ESYT3: variants seen among roughly 807,000 people sequenced by gnomAD.
ESYT3 encodes extended synaptotagmin-3.
A neutral mutation model predicts 111.5 loss-of-function variants in ESYT3; 101 were observed. The ratio of observed to expected loss-of-function variants is 0.91; its 90% confidence interval spans 0.77 to 1.07. The LOEUF is 1.07. Ranked by LOEUF, ESYT3 falls within the 50% of genes least tolerant of loss-of-function variation. The pLI is 0.00. For synonymous variants in ESYT3, 416 were observed against 446.8 expected, an observed-to-expected ratio of 0.93 and a Z score of 0.87; for missense variants, 1,097 against 1,109.4, an observed-to-expected ratio of 0.99 and a Z score of 0.16.
intron 2 of ESYT3, 68 bp from the exon 3 acceptor site, chr3:138,455,126 C>G: frequency 6.3e-7 from 1 of 1,581,582 alleles, no homozygotes; most frequent in Non-Finnish European, 8.6e-7. Context: ...GGACCTTGTC[C>G]CATGCAGCTG....
intron 17 of ESYT3, 108 bp from the exon 18 acceptor site, chr3:138,472,254 GA>G: frequency 7.1e-7 from 1 of 1,413,096 alleles, no homozygotes; most frequent in South Asian, 1.4e-5. Context: ...AGTTCCCTAG[GA>G]AGGGTCTTTA....
downstream of ESYT3, chr3:138,480,281 AAAAAGATT>A (rs1174201442): frequency 1.3e-5 from 2 of 152,350 alleles, no homozygotes; most frequent in East Asian, 3.9e-4. Context: ...TGTTGAAAGT[AAAAAGATT>A]AAAAGATCCA....
chr3:138,467,687 GC>G (rs2033000876), intron 11 of ESYT3, 78 bp downstream of exon 11: 1 of 1,367,982 alleles, frequency 7.3e-7, no homozygotes, highest in African/African-American at 1.4e-5. Context: ...GCTTGCTTCA[GC>G]CCAGCTATTC....
chr3:138,466,488 G>A (rs762779316), intron 10 of ESYT3, among the ~76,000 whole-genome samples: 1 of 152,114 alleles, frequency 6.6e-6, no homozygotes, highest in African/African-American at 2.4e-5. Context: ...TGCAATTTTT[G>A]TAATGTTGCA....
At chr3:138,463,889 TG>T (rs2032782387) in intron 8 of ESYT3, among the ~76,000 whole-genome samples, 2 of 152,156 alleles carry the variant, frequency 1.3e-5, no homozygotes, top group South Asian at 4.1e-4. Flanking sequence ...GGCTCAGTGT[TG>T]GGGCCTTTAG....
intron 14 of ESYT3, 55 bp from the exon 15 acceptor site, chr3:138,469,381 C>A: frequency 6.6e-7 from 1 of 1,511,820 alleles, no homozygotes; most frequent in Non-Finnish European, 9.2e-7. Context: ...GTAGGACTGT[C>A]TCAAGCTGAT....
chr3:138,437,188 G>A (rs2030773013), intron 1 of ESYT3, among the ~76,000 whole-genome samples: 1 of 152,218 alleles, frequency 6.6e-6, no homozygotes, highest in South Asian at 2.1e-4. Context: ...GTGGGGGACA[G>A]ATGCATAACA....
chr3:138,441,410 C>T (rs1485740713), intron 1 of ESYT3, among the ~76,000 whole-genome samples: 1 of 152,158 alleles, frequency 6.6e-6, no homozygotes, highest in Non-Finnish European at 1.5e-5. Context: ...GCCCCCTCTC[C>T]AGTGGGCAGG....
At chr3:138,464,183 C>T (rs576235001) in intron 8 of ESYT3, among the ~76,000 whole-genome samples, 162 bp from the exon 9 acceptor site, 6 of 152,280 alleles carry the variant, frequency 3.9e-5, no homozygotes, top group Admixed American at 3.3e-4. Context: ...TGCTGTGTGG[C>T]CTTGGCCAGG....
At chr3:138,473,145 G>A in intron 18 of ESYT3, 1 of 1,335,796 alleles carries the variant, frequency 7.5e-7, no homozygotes, top group Non-Finnish European at 9.6e-7. Flanking sequence ...GACATGGAAA[G>A]CTTAATATGT....
chr3:138,475,478 C>T (rs1269250062), intron 20 of ESYT3, among the ~76,000 whole-genome samples: 6 of 152,182 alleles, frequency 3.9e-5, no homozygotes, highest in Admixed American at 2.0e-4. Context: ...TTTCCTCTGC[C>T]TTACTCCATA....
intron 1 of ESYT3, among the ~76,000 whole-genome samples, chr3:138,446,383 T>G (rs760412377): frequency 3.9e-5 from 6 of 152,172 alleles, no homozygotes; most frequent in Non-Finnish European, 8.8e-5. Context: ...TCTCTGAACT[T>G]TAGTTTCCTT....
chr3:138,465,188 A>C, intron 9 of ESYT3, 151 bp from the exon 10 acceptor site: 1 of 593,824 alleles, frequency 1.7e-6, no homozygotes, highest in East Asian at 2.9e-5. Context: ...CCCGAAGGGG[A>C]GGGGCTTCAC....
Position 138,472,698 on chromosome 3 carries a change from C to T in ESYT3, c.2076C>T (p.Val692=), listed in dbSNP as rs2108629438. ...GTCCAGCCACCATCTTCCTGACTGTCCCAGGTCCCCACTCTCCAGGGCCCA... is the reference window on the plus strand; with the variant it reads ...GTCCAGCCACCATCTTCCTGACTGTTCCAGGTCCCCACTCTCCAGGGCCCA... The part of the protein sequence containing the change: ...KKSPATIFLT[V]PGPHSPGPIK... The change falls in exon 18 of 23, where the codon GTC becomes GTT. Residue 692 remains valine, a synonymous_variant. Transcript: ENST00000389567. The T allele has an allele frequency of 6.2e-7, 1 of 1,614,198 alleles. No individual in the cohort carries two copies. The highest frequency in any genetic ancestry group is 8.5e-7 in the Non-Finnish European group (1 of 1,180,042).
rs1193554298 is a variant in ESYT3 at position 138,470,318 on chromosome 3, G to T, written c.1590+172G>T. 6 of 1,345,218 alleles carry T rather than the reference G, an allele frequency of 4.5e-6. No individual in the cohort carries two copies. The African/African-American group carries it at 8.9e-5, about 20-fold the overall frequency. 83.3% of individuals were successfully genotyped at this position (1,345,218 alleles called of 1,614,324 possible). The stretch of plus-strand genomic sequence containing the variant: ...AAGGCCTCATCTCCTTAAGGCTAGT[G>T]CCTGAGGTCACTGTATAGGGGGATG... On this transcript the variant is annotated intron_variant, in intron 16 of 22. Coordinates refer to ENST00000389567, the MANE Select transcript of ESYT3 (RefSeq NM_031913.5).
intron 2 of ESYT3, among the ~76,000 whole-genome samples, chr3:138,452,450 G>A (rs1196521734): frequency 6.6e-6 from 1 of 152,172 alleles, no homozygotes; most frequent in African/African-American, 2.4e-5. Context: ...GCATTTCTGT[G>A]CAGTCTTGGG....
At position 138,472,789 on chromosome 3, in the gene ESYT3, C is replaced by A; in HGVS notation, c.2167C>A (p.Pro723Thr). The change falls in exon 18 of 23, where the codon CCC becomes ACC. Residue 723 changes from proline (P) to threonine (T), a missense_variant. Pro to Thr is a conservative substitution (Grantham distance 38). Transcript: ENST00000389567. Reference sequence around the variant, plus strand: ...CGCATGGCCGCCCAAGAGGCTGGCTCCCAGCATGTCCTCGCTCAACTCCTT... The same window carrying A: ...CGCATGGCCGCCCAAGAGGCTGGCTACCAGCATGTCCTCGCTCAACTCCTT... ...PFAWPPKRLA[P>T]SMSSLNSLAS... The A allele has an allele frequency of 6.2e-7, 1 of 1,614,220 alleles. No homozygotes were observed. Among genetic ancestry groups the A allele is most frequent in the Non-Finnish European group, 8.5e-7 (1 of 1,180,046 alleles).
chr3:138,469,560 C>T (rs2033112490), intron 15 of ESYT3, 56 bp downstream of exon 15: 1 of 1,495,012 alleles, frequency 6.7e-7, no homozygotes, highest in African/African-American at 1.4e-5. Flanking sequence ...CAGCCCTTCT[C>T]AGGGAGAGAG....
intron 1 of ESYT3, among the ~76,000 whole-genome samples, chr3:138,436,773 T>G (rs1175510837): frequency 6.6e-6 from 1 of 152,158 alleles, no homozygotes; most frequent in Non-Finnish European, 1.5e-5. Context: ...CTGTCAGATC[T>G]CTGTTTTGTC....
Sources: gnomAD v4.1 joint callset for allele counts (sites outside exome capture counted in the v4.1 genomes callset) on GRCh38, gnomAD v4.1.1 for gene constraint, MANE v1.5 for transcripts, NCBI Gene and HGNC (gene_info 2026-07-23, HGNC 2026-07-21) for gene names.